FRMPD4: variants seen among roughly 807,000 people sequenced by gnomAD.
The protein encoded by FRMPD4 is FERM and PDZ domain containing 4, also known as FERM and PDZ domain-containing protein 4.
A neutral mutation model predicts 94.1 loss-of-function variants in FRMPD4; 22 were observed. The ratio of observed to expected loss-of-function variants is 0.23; its 90% CI spans 0.17 to 0.33. The LOEUF (loss-of-function observed/expected upper bound fraction) is 0.33, where lower values mean the gene tolerates loss of function less well. FRMPD4 is among the 10% of genes least tolerant of loss of function. FRMPD4 has a pLI of 1.00. For missense variants in FRMPD4, 1,111 were observed against 1,339.9 expected (o/e 0.83, Z 2.67); for synonymous variants, 631 against 548.6 (o/e 1.15, Z -2.10).
In FRMPD4 at chrX:12,256,164, C is replaced by T. The variant is rs977045495; in HGVS notation, c.41+117152C>T. Reference sequence around the variant, plus strand: ...AAGTGAGATTTCTGAGGTGGTTGACCTCTTTGGATTTCTAACCCAAACCTG... The same window carrying T: ...AAGTGAGATTTCTGAGGTGGTTGACTTCTTTGGATTTCTAACCCAAACCTG... On this transcript the variant is annotated intron_variant, in intron 1 of 16. Transcript: ENST00000675598. 2.7e-5 allele frequency among the ~76,000 whole-genome samples: 3 copies of T among 111,713 alleles called. No individual in the cohort carries two copies. In the East Asian group the frequency reaches 8.5e-4, roughly 32 times the overall value.
At chrX:12,547,182 G>A (rs998407332) in intron 2 of FRMPD4, among the ~76,000 whole-genome samples, 2 of 110,965 alleles carry the variant, frequency 1.8e-5, no homozygotes, top group African/African-American at 6.6e-5. Context: ...AGTCGCTCCT[G>A]CAACGATGCC....
chrX:12,614,786 C>T lies in FRMPD4; in HGVS notation c.327C>T (p.Pro109=). 2.6e-6 allele frequency: 3 copies of T among 1,155,305 alleles called. No individual in the cohort carries two copies. Among genetic ancestry groups the T allele is most frequent in the Non-Finnish European group, 3.5e-6 (3 of 845,660 alleles). ...VVVRSVTPGG[P]SEGKLIPGDQ... is the part of the protein sequence containing the mutation. The stretch of plus-strand genomic sequence containing the variant: ...CATTCTATTTGTCTCCAGGTGGCCC[C>T]TCTGAAGGCAAGCTGATCCCGGGAG... The change falls in exon 4 of 17, where the codon CCC becomes CCT. Residue 109 remains proline, a synonymous_variant. Transcript: ENST00000675598.
intron 1 of FRMPD4, among the ~76,000 whole-genome samples, chrX:12,477,698 C>G (rs1487110100): frequency 8.9e-6 from 1 of 112,520 alleles, no homozygotes; most frequent in Non-Finnish European, 1.9e-5. Flanking sequence ...GCATTGCAAT[C>G]ATTTCTTGAC....
intron 3 of FRMPD4, among the ~76,000 whole-genome samples, chrX:11,965,477 A>G (rs2054305212): frequency 8.9e-6 from 1 of 112,080 alleles, no homozygotes; most frequent in Admixed American, 9.5e-5. Flanking sequence ...ACTATAACTT[A>G]TATCAGAGTC....
intron 1 of FRMPD4, among the ~76,000 whole-genome samples, chrX:12,439,559 T>C (rs1271575356): frequency 9.0e-6 from 1 of 111,669 alleles, no homozygotes; most frequent in Non-Finnish European, 1.9e-5. Context: ...CAAGAGCCCG[T>C]GGTGTTGTGC....
At chrX:12,200,212 G>A (rs1409280828) in intron 1 of FRMPD4, among the ~76,000 whole-genome samples, 1 of 111,847 alleles carries the variant, frequency 8.9e-6, no homozygotes, top group African/African-American at 3.3e-5. Context: ...TTGGGAAAGG[G>A]TGATTATCAT....
chrX:12,657,674 T>A (rs1460591837), intron 4 of FRMPD4, among the ~76,000 whole-genome samples: 1 of 112,104 alleles, frequency 8.9e-6, no homozygotes, highest in Non-Finnish European at 1.9e-5. Context: ...ACTGCATGTG[T>A]GTTCAGTGTG....
At chrX:12,111,586 A>C (rs1269256632) in intron 3 of FRMPD4, among the ~76,000 whole-genome samples, 8 of 111,694 alleles carry the variant, frequency 7.2e-5, no homozygotes, top group Non-Finnish European at 1.5e-4. Context: ...TAATTAAACT[A>C]AAGAGCTTCT....
intron 1 of FRMPD4, among the ~76,000 whole-genome samples, chrX:12,280,349 G>A (rs1487178361): frequency 1.8e-5 from 2 of 110,165 alleles, no homozygotes; most frequent in Non-Finnish European, 3.8e-5. Context: ...TTGAATCAGA[G>A]GTGGCTCCTG....
intron 1 of FRMPD4, among the ~76,000 whole-genome samples, chrX:12,460,893 A>G (rs12008190): frequency 0.02 from 2,196 of 111,987 alleles, 43 homozygotes; most frequent in African/African-American, 0.066. Flanking sequence ...ATATTTTTCA[A>G]ATAAATCCTC....
intron 1 of FRMPD4, among the ~76,000 whole-genome samples, chrX:12,146,102 G>A (rs765465653): frequency 2.8e-5 from 3 of 106,685 alleles, no homozygotes; most frequent in Admixed American, 2.3e-4. Flanking sequence ...GGTGGCTCAC[G>A]CCTGTAATCC....
chrX:12,578,465 G>A (rs1602157649), intron 2 of FRMPD4, among the ~76,000 whole-genome samples: 3 of 111,654 alleles, frequency 2.7e-5, no homozygotes, highest in East Asian at 5.7e-4. Flanking sequence ...AGACTCACAC[G>A]AAACCCCAAA....
At chrX:12,502,025 G>T (rs2057927201) in intron 2 of FRMPD4, among the ~76,000 whole-genome samples, 1 of 111,837 alleles carries the variant, frequency 8.9e-6, no homozygotes, top group Non-Finnish European at 1.9e-5. Context: ...GCAAACTAAT[G>T]GTTCTCAACC....
At chrX:12,689,396 G>A (rs950811315) in intron 7 of FRMPD4, among the ~76,000 whole-genome samples, 2 of 111,693 alleles carry the variant, frequency 1.8e-5, no homozygotes, top group African/African-American at 3.3e-5. Flanking sequence ...TATAATAAAC[G>A]CTTTGTATGT....
intron 3 of FRMPD4, among the ~76,000 whole-genome samples, chrX:11,879,893 G>A (rs1056786767): frequency 1.8e-5 from 2 of 112,140 alleles, no homozygotes; most frequent in African/African-American, 6.5e-5. Context: ...ATAATTTTTA[G>A]TCTGTCTTCC....
intron 3 of FRMPD4, among the ~76,000 whole-genome samples, chrX:12,006,535 A>G (rs1263361039): frequency 1.8e-5 from 2 of 112,192 alleles, no homozygotes; most frequent in Non-Finnish European, 3.8e-5. Flanking sequence ...GTATCTGTAT[A>G]TGCATAGTTG....
In FRMPD4 at chrX:12,543,621, A is replaced by G. The variant is rs374117845; in HGVS notation, c.158+44825A>G. ...GGAGAGGATGTAGAGAAATAGGAACACTTTTACACTGTTGGTGGGACTGTC... is the reference window on the plus strand; with the variant it reads ...GGAGAGGATGTAGAGAAATAGGAACGCTTTTACACTGTTGGTGGGACTGTC... On this transcript the variant is annotated intron_variant, in intron 2 of 16. Transcript: ENST00000675598. 2.3e-4 allele frequency among the ~76,000 whole-genome samples: 26 copies of G among 111,947 alleles called. No homozygotes were observed. The East Asian group carries it at 3.9e-3, about 17-fold the overall frequency.
At chrX:12,666,051 A>G in intron 4 of FRMPD4, among the ~76,000 whole-genome samples, 1 of 110,116 alleles carries the variant, frequency 9.1e-6, no homozygotes, top group South Asian at 4.0e-4. Context: ...AAAGACACAC[A>G]TAGGCTCAAA....
At chrX:12,231,933 C>T (rs994314877) in intron 1 of FRMPD4, among the ~76,000 whole-genome samples, 1 of 111,743 alleles carries the variant, frequency 8.9e-6, no homozygotes, top group South Asian at 3.8e-4. Flanking sequence ...GTTTCCATAC[C>T]AGCTCCCTAT....
Sources: allele counts gnomAD v4.1 joint callset (sites outside exome capture counted in the v4.1 genomes callset), GRCh38; gene constraint gnomAD v4.1.1; transcripts MANE v1.5; gene names NCBI Gene and HGNC (gene_info 2026-07-23, HGNC 2026-07-21).